NXNL2: variants seen among roughly 807,000 people sequenced by gnomAD.
NXNL2 encodes the protein nucleoredoxin-like protein 2.
A neutral mutation model predicts 11.1 loss-of-function variants in NXNL2; 7 were observed. The observed-to-expected ratio is 0.63, with a 90% confidence interval of 0.36 to 1.18. The LOEUF (loss-of-function observed/expected upper bound fraction) is 1.18, where lower values mean the gene tolerates loss of function less well. NXNL2 is among the 50% of genes most tolerant of loss of function. The pLI, the probability that NXNL2 is intolerant of heterozygous loss-of-function variation, is 0.02. For missense variants in NXNL2, 233 were observed against 217.7 expected, an observed-to-expected ratio of 1.07 and a Z score of -0.44; for synonymous variants, 109 against 101.8, an observed-to-expected ratio of 1.07 and a Z score of -0.42.
chr9:88,562,379 T>A (rs1289826282), intron 1 of NXNL2, among the ~76,000 whole-genome samples: 1 of 152,082 alleles, frequency 6.6e-6, no homozygotes, highest in Non-Finnish European at 1.5e-5. Flanking sequence ...TACATGGGTG[T>A]GTTCACTTCG....
At chr9:88,547,834 T>C (rs1829865661), downstream of NXNL2, among the ~76,000 whole-genome samples, 1 of 151,326 alleles carries the variant, frequency 6.6e-6, no homozygotes, top group African/African-American at 2.4e-5. Context: ...CTGGCCAATG[T>C]GGTGAAACCC....
chr9:88,557,847 A>G lies in NXNL2; in HGVS notation c.303-13240A>G, dbSNP rs142711042. Among the ~76,000 whole-genome samples, 13 of 152,290 alleles carry G rather than the reference A, an allele frequency of 8.5e-5. No individual in the cohort carries two copies. The East Asian group carries it at 2.5e-3, about 29-fold the overall frequency. On this transcript the variant is annotated intron_variant, in intron 1 of 2. Coordinates refer to the NXNL2 transcript ENST00000375855. ...TTATTTCACTCTCCTGTTTGAGCAT[A>G]CAGTTGGAATGAGGGGCCTTTGCTC...
At chr9:88,540,298 C>T (rs1050272913) in intron 1 of NXNL2, among the ~76,000 whole-genome samples, 2 of 150,970 alleles carry the variant, frequency 1.3e-5, no homozygotes, top group Non-Finnish European at 2.9e-5. Context: ...TACCACTGCA[C>T]TCCAGTCTGG....
exon 3 of NXNL2, chr9:88,575,164 C>T (rs1043001541): frequency 4.2e-5 from 41 of 985,114 alleles, no homozygotes; most frequent in Middle Eastern, 5.2e-4. Flanking sequence ...TCTCCCCCCG[C>T]ACCATCCGTG....
chr9:88,549,378 C>T (rs1317023215), downstream of NXNL2, among the ~76,000 whole-genome samples: 1 of 152,142 alleles, frequency 6.6e-6, no homozygotes, highest in Admixed American at 6.6e-5. Flanking sequence ...TGGTTTCCAC[C>T]CTTGTTTTGT....
downstream of NXNL2, chr9:88,575,931 A>C (rs1830343587): frequency 6.6e-6 from 1 of 152,288 alleles, no homozygotes; most frequent in Admixed American, 6.5e-5. Flanking sequence ...ACGGTGGCTC[A>C]TACCTGTAAT....
At chr9:88,579,913 G>A (rs1830390580), downstream of NXNL2, among the ~76,000 whole-genome samples, 1 of 151,936 alleles carries the variant, frequency 6.6e-6, no homozygotes, top group African/African-American at 2.4e-5. Flanking sequence ...GGTGGATCAC[G>A]AGGTCAGGAG....
At chr9:88,540,726 C>G (rs369616512) in intron 1 of NXNL2, among the ~76,000 whole-genome samples, 3 of 148,818 alleles carry the variant, frequency 2.0e-5, no homozygotes, top group Admixed American at 6.7e-5. Context: ...GGAGCAGGTC[C>G]GGACTGCCGG....
intron 1 of NXNL2, among the ~76,000 whole-genome samples, chr9:88,550,726 T>G (rs1829919303): frequency 6.6e-6 from 1 of 152,214 alleles, no homozygotes; most frequent in South Asian, 2.1e-4. Flanking sequence ...AAATTTGGAA[T>G]AGAGAACAGT....
At position 88,535,650 on chromosome 9, in the gene NXNL2, C is replaced by A. The variant is rs775439193; in HGVS notation, c.216C>A (p.Ala72=). ...PAPFEVVFVS[A]DGSSQEMLDF... The stretch of plus-strand genomic sequence containing the variant: ...CCTTCGAAGTGGTCTTCGTGTCAGC[C>A]GACGGCAGCTCCCAGGAGATGCTGG... Residue 72 remains alanine, a synonymous_variant, in exon 1 of 2, where the codon GCC becomes GCA. Transcript: ENST00000375854. 5 of 1,608,486 alleles carry A rather than the reference C, an allele frequency of 3.1e-6. No individual in the cohort carries two copies. In the East Asian group the frequency reaches 8.9e-5, roughly 29 times the overall value.
chr9:88,542,762 A>C (rs745456615), intron 1 of NXNL2, among the ~76,000 whole-genome samples: 1 of 152,068 alleles, frequency 6.6e-6, no homozygotes, highest in Non-Finnish European at 1.5e-5. Flanking sequence ...CTCTCTGTTG[A>C]GCGTAGGGGA....
At chr9:88,558,321 A>T (rs1176094026) in intron 1 of NXNL2, among the ~76,000 whole-genome samples, 1 of 152,142 alleles carries the variant, frequency 6.6e-6, no homozygotes, top group African/African-American at 2.4e-5. Context: ...ACACGTAGAG[A>T]TTCCTGGAGG....
chr9:88,539,620 G>C (rs1158819277), intron 1 of NXNL2: 1 of 152,296 alleles, frequency 6.6e-6, no homozygotes, highest in Non-Finnish European at 1.5e-5. Context: ...CAGGCTGCTG[G>C]CCATTTTGCT....
chr9:88,574,361 C>T (rs1267949456), intron 2 of NXNL2, among the ~76,000 whole-genome samples: 1 of 152,082 alleles, frequency 6.6e-6, no homozygotes, highest in Admixed American at 6.6e-5. Flanking sequence ...CAGGAGGTCC[C>T]GATGACATAT....
At chr9:88,551,963 G>T (rs1052898356) in intron 1 of NXNL2, among the ~76,000 whole-genome samples, 2 of 152,150 alleles carry the variant, frequency 1.3e-5, no homozygotes, top group Non-Finnish European at 2.9e-5. Flanking sequence ...GTCACCTCAG[G>T]GGTGGTAAGT....
At chr9:88,552,777 A>G (rs1378730955) in intron 1 of NXNL2, among the ~76,000 whole-genome samples, 1 of 152,186 alleles carries the variant, frequency 6.6e-6, no homozygotes, top group Non-Finnish European at 1.5e-5. Context: ...TGAAACATGC[A>G]TTCTTAACCT....
intron 1 of NXNL2, among the ~76,000 whole-genome samples, chr9:88,582,651 CCT>C (rs1001875552): frequency 1.3e-5 from 2 of 149,744 alleles, no homozygotes; most frequent in African/African-American, 2.5e-5. Flanking sequence ...TCCCTCCCTC[CCT>C]CTCTCTCTTT....
At chr9:88,566,933 A>G (rs1830178540) in intron 1 of NXNL2, among the ~76,000 whole-genome samples, 1 of 151,762 alleles carries the variant, frequency 6.6e-6, no homozygotes, top group African/African-American at 2.4e-5. Context: ...TATCTAATCT[A>G]GCTCTATCAT....
chr9:88,557,665 T>C (rs568554088), intron 1 of NXNL2, among the ~76,000 whole-genome samples: 1 of 152,336 alleles, frequency 6.6e-6, no homozygotes, highest in East Asian at 1.9e-4. Flanking sequence ...GAGCGCTGAC[T>C]GGCAACCTTG....
Sources: gnomAD v4.1 joint callset for allele counts (sites outside exome capture counted in the v4.1 genomes callset) on GRCh38, gnomAD v4.1.1 for gene constraint, MANE v1.5 for transcripts, NCBI Gene and HGNC (gene_info 2026-07-23, HGNC 2026-07-21) for gene names.